PMFBP1: variants seen among roughly 807,000 people sequenced by gnomAD.
The protein encoded by PMFBP1 is polyamine modulated factor 1 binding protein 1.
A neutral mutation model predicts 137.8 loss-of-function variants in PMFBP1; 131 were observed. The observed-to-expected ratio is 0.95, with a 90% CI of 0.82 to 1.10. PMFBP1 has a LOEUF of 1.10. PMFBP1 is among the 50% of genes least tolerant of loss of function. The probability of loss-of-function intolerance (pLI) is 0.00; values close to 1 mark genes in which losing one functional copy is unlikely to be tolerated. For synonymous variants in PMFBP1, 490 were observed against 450.4 expected (o/e 1.09, Z -1.11); for missense variants, 1,199 against 1,175.4 (o/e 1.02, Z -0.29).
the PMFBP1 span, among the ~76,000 whole-genome samples, chr16:72,212,003 T>A: frequency 6.9e-4 from 105 of 151,410 alleles, 2 homozygotes; most frequent in Admixed American, 7.9e-4. Context: ...TATCAAAAAA[T>A]TTTTTTTTCT....
intron 9 of PMFBP1, among the ~76,000 whole-genome samples, chr16:72,135,428 G>A (rs926354617): frequency 2.0e-5 from 3 of 151,172 alleles, no homozygotes; most frequent in African/African-American, 4.9e-5. Flanking sequence ...TGTTGGTCAG[G>A]CTGGTCTTGA....
At chr16:72,157,995 G>A (rs921973967) in intron 3 of PMFBP1, among the ~76,000 whole-genome samples, 2 of 152,164 alleles carry the variant, frequency 1.3e-5, no homozygotes, top group African/African-American at 2.4e-5. Flanking sequence ...ATTTTAATGA[G>A]ATTAATTCAG....
In PMFBP1 at chr16:72,130,549, C is replaced by T; in HGVS notation, c.1621G>A (p.Glu541Lys). The change falls in exon 11 of 21, where the codon GAA becomes AAA. Residue 541 changes from glutamate (E) to lysine (K), a missense_variant. Coordinates refer to ENST00000237353, the MANE Select transcript of PMFBP1 (RefSeq NM_031293.3). ...LQKESSMAEK[E>K]QTSNRKRVEE... ...CCTGGGCACCTGTTGGAGGTTTGTT[C>T]CTTCTCAGCCATCGAGGACTCCTTC... 6.2e-7 allele frequency: 1 copy of T among 1,614,062 alleles called. No homozygotes were observed. Among genetic ancestry groups the T allele is most frequent in the Non-Finnish European group, 8.5e-7 (1 of 1,179,996 alleles).
chr16:72,221,095 C>T, the PMFBP1 span, among the ~76,000 whole-genome samples: 1 of 152,060 alleles, frequency 6.6e-6, no homozygotes, highest in Non-Finnish European at 1.5e-5. Flanking sequence ...CCCATAAAGT[C>T]TGAAAGGTTA....
At chr16:72,192,781 A>C in the PMFBP1 span, among the ~76,000 whole-genome samples, 5 of 152,026 alleles carry the variant, frequency 3.3e-5, no homozygotes, top group African/African-American at 9.7e-5. Context: ...ACATGCCTGT[A>C]GTCCCAGCTG....
At chr16:72,249,805 C>T in the PMFBP1 span, among the ~76,000 whole-genome samples, 1 of 149,170 alleles carries the variant, frequency 6.7e-6, no homozygotes, top group Non-Finnish European at 1.5e-5. Context: ...CCTGTAGTCC[C>T]AGTTGCTCAG....
At chr16:72,238,024 C>T in the PMFBP1 span, among the ~76,000 whole-genome samples, 2 of 152,196 alleles carry the variant, frequency 1.3e-5, no homozygotes, top group African/African-American at 4.8e-5. Flanking sequence ...ATATGTATCA[C>T]ATTTTGTTTA....
the PMFBP1 span, among the ~76,000 whole-genome samples, chr16:72,193,842 G>A: frequency 2.6e-5 from 4 of 151,868 alleles, no homozygotes; most frequent in South Asian, 2.1e-4. Flanking sequence ...TCAGCATGGC[G>A]CACACATACC....
chr16:72,136,161 A>C (rs1325690585), intron 9 of PMFBP1, among the ~76,000 whole-genome samples: 2 of 152,174 alleles, frequency 1.3e-5, no homozygotes, highest in African/African-American at 4.8e-5. Flanking sequence ...AGTATAAGGG[A>C]ACAATGCAAG....
At chr16:72,138,026 G>A (rs1053775968) in intron 7 of PMFBP1, among the ~76,000 whole-genome samples, 6 of 152,234 alleles carry the variant, frequency 3.9e-5, no homozygotes, top group East Asian at 1.9e-4. Flanking sequence ...CCCAGGGAGC[G>A]TGAGGGCTTT....
At chr16:72,210,942 C>T in the PMFBP1 span, among the ~76,000 whole-genome samples, 3 of 152,158 alleles carry the variant, frequency 2.0e-5, no homozygotes, top group African/African-American at 7.2e-5. Context: ...CTTCCATATG[C>T]CAGAAGGGGC....
At chr16:72,193,112 C>A in the PMFBP1 span, among the ~76,000 whole-genome samples, 1 of 152,008 alleles carries the variant, frequency 6.6e-6, no homozygotes, top group Admixed American at 6.6e-5. Context: ...TCTGGCCAGG[C>A]ATGGTAGGTC....
Position 72,119,903 on chromosome 16 carries a change from A to T in PMFBP1, c.2955T>A (p.Asp985Glu), listed in dbSNP as rs771361382. The T allele has an allele frequency of 2.5e-6, 4 of 1,614,064 alleles. No homozygotes were observed. Among genetic ancestry groups the T allele is most frequent in the Non-Finnish European group, 3.4e-6 (4 of 1,180,012 alleles). ...GTLGWKGLPQDMGQRMDLTKY... is the reference protein window; with the variant it reads ...GTLGWKGLPQEMGQRMDLTKY... ...TGGTGAGGTCCATTCTTTGACCCAT[A>T]TCCTGGGGCAACCCCTTCCAGCCCA... is the stretch of plus-strand genomic sequence containing the variant. Residue 985 changes from aspartate to glutamate, a missense_variant, in exon 20 of 21, where the codon GAT (aspartate) becomes GAA (glutamate). Asp to Glu is a conservative substitution (Grantham distance 45). Coordinates refer to ENST00000237353, the MANE Select transcript of PMFBP1 (RefSeq NM_031293.3).
At chr16:72,233,143 C>A in the PMFBP1 span, among the ~76,000 whole-genome samples, 1 of 152,082 alleles carries the variant, frequency 6.6e-6, no homozygotes, top group East Asian at 1.9e-4. Flanking sequence ...TGCACTTGAA[C>A]CCCCCCAATA....
Position 72,150,543 on chromosome 16 carries a change from G to A in PMFBP1, c.636+65C>T, listed in dbSNP as rs370666003. The A allele has an allele frequency of 3.3e-6, 5 of 1,507,962 alleles. No homozygotes were observed. The African/African-American group carries it at 5.5e-5, about 17-fold the overall frequency. 93.4% of individuals were successfully genotyped at this position (1,507,962 alleles called of 1,614,324 possible). ...GTTTCCAGTGGAGGAGGCTGGGACT[G>A]TCTGAGGGGACCACCTGGGAGCACA... On this transcript the variant is annotated intron_variant, in intron 5 of 20. Transcript: ENST00000237353.
At position 72,130,532 on chromosome 16, in the gene PMFBP1, C is replaced by T; in HGVS notation, c.1637+1G>A. The T allele has an allele frequency of 6.2e-7, 1 of 1,613,986 alleles. No homozygotes were observed. The highest frequency in any genetic ancestry group is 8.5e-7 in the Non-Finnish European group (1 of 1,179,936). On this transcript the variant is annotated splice_donor_variant, in intron 11 of 20. Coordinates refer to ENST00000237353, the MANE Select transcript of PMFBP1 (RefSeq NM_031293.3). LOFTEE classifies it high-confidence loss of function. ...CTGGAGGGGAGCCTGAGCCTGGGCA[C>T]CTGTTGGAGGTTTGTTCCTTCTCAG...
the PMFBP1 span, among the ~76,000 whole-genome samples, chr16:72,239,290 G>C: frequency 1.3e-5 from 2 of 152,108 alleles, no homozygotes; most frequent in Non-Finnish European, 2.9e-5. Context: ...AAGGCCATTT[G>C]TTTTGAGACT....
At chr16:72,172,893 G>T (rs900418219), upstream of PMFBP1, among the ~76,000 whole-genome samples, 1 of 152,170 alleles carries the variant, frequency 6.6e-6, no homozygotes, top group Non-Finnish European at 1.5e-5. Flanking sequence ...CTTGATGCAG[G>T]ATTGCTACAA....
the PMFBP1 span, among the ~76,000 whole-genome samples, chr16:72,218,055 A>G: frequency 2.6e-5 from 4 of 152,190 alleles, no homozygotes; most frequent in Non-Finnish European, 5.9e-5. Context: ...CTGTTTGAAC[A>G]AGATCCTGTT....
Sources: allele counts gnomAD v4.1 joint callset (sites outside exome capture counted in the v4.1 genomes callset), GRCh38; gene constraint gnomAD v4.1.1; transcripts MANE v1.5; gene names NCBI Gene and HGNC (gene_info 2026-07-23, HGNC 2026-07-21).